Variants in LCOR observed in about 807,000 individuals in gnomAD.
LCOR encodes the protein ligand dependent nuclear receptor corepressor, also known as ligand-dependent corepressor.
LCOR carries 14 observed loss-of-function variants against 64.4 expected under a neutral mutation model. The observed-to-expected ratio is 0.22, with a 90% CI of 0.14 to 0.34. The LOEUF (loss-of-function observed/expected upper bound fraction) is 0.34, where lower values mean the gene tolerates loss of function less well. Ranked by LOEUF, LCOR falls within the 10% of genes least tolerant of loss-of-function variation. The pLI, the probability that LCOR is intolerant of heterozygous loss-of-function variation, is 1.00. For missense variants in LCOR, 1,686 were observed against 1,765.3 expected, an observed-to-expected ratio of 0.96 and a Z score of 0.80; for synonymous variants, 643 against 642.5, an observed-to-expected ratio of 1.00 and a Z score of -0.01.
intron 2 of LCOR, among the ~76,000 whole-genome samples, chr10:96,899,677 TTAAA>T (rs1481254590): frequency 4.6e-5 from 7 of 152,104 alleles, no homozygotes; most frequent in Non-Finnish European, 8.8e-5. Context: ...CCTTAGATAC[TTAAA>T]TAAATCTTGT....
At chr10:96,942,557 A>T (rs896222159) in intron 4 of LCOR, among the ~76,000 whole-genome samples, 2 of 152,216 alleles carry the variant, frequency 1.3e-5, no homozygotes, top group African/African-American at 2.4e-5. Context: ...TGCCTTATAT[A>T]GCAGTGTTTA....
At chr10:96,978,496 T>C (rs1424626141) in intron 7 of LCOR, among the ~76,000 whole-genome samples, 1 of 152,242 alleles carries the variant, frequency 6.6e-6, no homozygotes, top group Non-Finnish European at 1.5e-5. Context: ...ACCGTACTTG[T>C]GTACCTTTTG....
At position 96,900,291 on chromosome 10, in the gene LCOR, A is replaced by G. The variant is rs550735326; in HGVS notation, c.-329-6974A>G. On this transcript the variant is annotated intron_variant, in intron 2 of 7. Transcript: ENST00000421806. ...ATATACCACATTTTGTTTATCACAG[A>G]TTACCTCTTAATATACAATAATTAA... is the stretch of plus-strand genomic sequence containing the variant. Among the ~76,000 whole-genome samples the G allele has an allele frequency of 1.2e-4, 19 of 152,228 alleles. No individual in the cohort carries two copies. In the South Asian group the frequency reaches 1.7e-3, roughly 13 times the overall value.
chr10:96,944,253 T>G lies in LCOR; in HGVS notation c.-51+8T>G. On this transcript the variant is annotated splice_region_variant and intron_variant, in intron 5 of 7. Coordinates refer to ENST00000421806, the MANE Select transcript of LCOR (RefSeq NM_001346516.2). ...CAGTCTTTTATAGAAAAGGTTGGTT[T>G]CAGTGAAGATGATATTTAGCATCTG... The G allele has an allele frequency of 5.1e-6, 5 of 985,060 alleles. No individual in the cohort carries two copies. The highest frequency in any genetic ancestry group is 6.0e-6 in the Non-Finnish European group (5 of 829,290). 61.0% of individuals were successfully genotyped at this position (985,060 alleles called of 1,614,324 possible). A position where few individuals can be genotyped will look rare whatever the true frequency, so the allele number is the denominator to read the frequency against.
chr10:96,961,109 A>G (rs997016504), intron 7 of LCOR: 3 of 152,150 alleles, frequency 2.0e-5, no homozygotes, highest in Non-Finnish European at 2.9e-5. Context: ...ATTCTGCCCT[A>G]TAATACTAAA....
chr10:96,965,166 G>A (rs902798964), intron 7 of LCOR, among the ~76,000 whole-genome samples: 14 of 151,046 alleles, frequency 9.3e-5, no homozygotes, highest in African/African-American at 2.7e-4. Context: ...CCGCCACCAC[G>A]CCTGGCTAAT....
At chr10:96,955,904 T>A (rs1157076350) in intron 7 of LCOR, 4 of 1,611,432 alleles carry the variant, frequency 2.5e-6, no homozygotes, top group Admixed American at 3.4e-5. Flanking sequence ...AAAGTGCAAA[T>A]GAATCAAAAA....
chr10:96,933,250 T>G (rs910883158), intron 4 of LCOR, among the ~76,000 whole-genome samples: 5 of 152,218 alleles, frequency 3.3e-5, no homozygotes, highest in African/African-American at 1.2e-4. Context: ...TACTTTCTCT[T>G]TATAGCTTTG....
rs769248091 is a variant in LCOR at position 96,873,567 on chromosome 10, CACACGTGTGTGT to C, written c.-329-33697_-329-33686del. 1.4e-3 allele frequency among the ~76,000 whole-genome samples: 161 copies of C among 118,438 alleles called. 2 individuals are homozygous for C. In the South Asian group the frequency reaches 0.019, roughly 14 times the overall value. The allele number at this position is 118,438 out of a possible 152,430, so 77.7% of individuals were successfully genotyped here. A position where few individuals can be genotyped will look rare whatever the true frequency, so the allele number is the denominator to read the frequency against. ...TGTTTTGTTTTTCGATACACACACA[CACACGTGTGTGT>C]GTGTGTGTGTGTGTGTGTGTGTGTG... is the stretch of plus-strand genomic sequence containing the variant. On this transcript the variant is annotated intron_variant, in intron 2 of 7. Coordinates refer to ENST00000421806, the MANE Select transcript of LCOR (RefSeq NM_001346516.2).
chr10:96,941,204 C>A (rs1316750578), intron 4 of LCOR, among the ~76,000 whole-genome samples: 2 of 139,926 alleles, frequency 1.4e-5, no homozygotes, highest in East Asian at 2.1e-4. Flanking sequence ...CCCCCCACCT[C>A]CCTCCCGGAC....
chr10:96,962,712 A>G (rs1461680938), intron 7 of LCOR: 3 of 152,130 alleles, frequency 2.0e-5, no homozygotes, highest in Admixed American at 2.0e-4. Context: ...TGACTCCCAC[A>G]TGTTGCTTGT....
intron 2 of LCOR, among the ~76,000 whole-genome samples, chr10:96,884,413 A>G (rs1846309938): frequency 1.3e-5 from 2 of 152,198 alleles, no homozygotes; most frequent in Admixed American, 6.5e-5. Context: ...GGCATAAGCA[A>G]GGGGTTCACT....
chr10:96,851,114 G>A (rs1000124378), intron 2 of LCOR, among the ~76,000 whole-genome samples: 2 of 152,190 alleles, frequency 1.3e-5, no homozygotes, highest in African/African-American at 2.4e-5. Context: ...CGTGGATCAC[G>A]AGGGACATCT....
chr10:96,911,090 TC>T (rs1190846367), intron 4 of LCOR, among the ~76,000 whole-genome samples: 3 of 144,622 alleles, frequency 2.1e-5, no homozygotes, highest in Admixed American at 7.0e-5. Context: ...TTTTACATGT[TC>T]CCTTTTTTTT....
At chr10:96,837,596 T>C (rs202021364) in intron 2 of LCOR, among the ~76,000 whole-genome samples, 1 of 152,184 alleles carries the variant, frequency 6.6e-6, no homozygotes, top group Non-Finnish European at 1.5e-5. Context: ...GACAATATTA[T>C]CATCCACAAG....
chr10:96,983,585 A>G lies in LCOR; in HGVS notation c.3125A>G (p.Asn1042Ser), dbSNP rs753225863. 7 of 1,614,062 alleles carry G rather than the reference A, an allele frequency of 4.3e-6. No homozygotes were observed. The highest frequency in any genetic ancestry group is 2.7e-5 in the African/African-American group (2 of 74,922). Residue 1042 changes from asparagine (N) to serine (S), a missense_variant, in exon 8 of 8, where the codon AAC (asparagine) becomes AGC (serine). Asn to Ser is a conservative substitution (Grantham distance 46). Transcript: ENST00000421806. This position sits in a 1 kb window ranked among gnomAD's most constrained non-coding sequence, Gnocchi z 4.5. ...AAAAGATTGACCTCTTCAACCTACA[A>G]CCTAAGACACGCTCATTCTCTGGGC... ...RPKRLTSSTY[N>S]LRHAHSLGSL...
intron 4 of LCOR, among the ~76,000 whole-genome samples, chr10:96,914,440 G>A (rs113614971): frequency 0.066 from 10,030 of 152,254 alleles, 536 homozygotes; most frequent in Non-Finnish European, 0.093. Context: ...CAGGTGATGC[G>A]CCTGCCTCGG....
intron 2 of LCOR, among the ~76,000 whole-genome samples, chr10:96,835,674 C>A (rs1845429942): frequency 6.6e-6 from 1 of 152,110 alleles, no homozygotes; most frequent in Non-Finnish European, 1.5e-5. Context: ...TATCTTAATA[C>A]TTTAGGGTCA....
chr10:96,860,034 A>G (rs1057053986), intron 2 of LCOR, among the ~76,000 whole-genome samples: 17 of 152,170 alleles, frequency 1.1e-4, no homozygotes, highest in African/African-American at 4.1e-4. Flanking sequence ...GCCTTCACTT[A>G]AGGGCTTGAA....
Sources: allele counts gnomAD v4.1 joint callset (sites outside exome capture counted in the v4.1 genomes callset), GRCh38; gene constraint gnomAD v4.1.1; non-coding constraint Gnocchi (gnomAD v3.1); transcripts MANE v1.5; gene names NCBI Gene and HGNC (gene_info 2026-07-23, HGNC 2026-07-21).